The following NCKAP5 variants were observed in gnomAD, a reference collection of about 807,000 sequenced individuals.
NCKAP5 encodes the protein nck-associated protein 5.
Under a neutral mutation model 167.0 loss-of-function variants are expected in NCKAP5, and 92 were observed. The ratio of observed to expected loss-of-function variants is 0.55; its 90% confidence interval spans 0.47 to 0.66. NCKAP5 has a LOEUF of 0.66. NCKAP5 is among the 30% of genes least tolerant of loss of function. The pLI is 0.00. For synonymous variants in NCKAP5, 891 were observed against 877.4 expected, an observed-to-expected ratio of 1.02 and a Z score of -0.27; for missense variants, 2,378 against 2,315.0, an observed-to-expected ratio of 1.03 and a Z score of -0.56.
At chr2:133,469,261 T>A (rs1218695921) in intron 3 of NCKAP5, among the ~76,000 whole-genome samples, 2 of 152,080 alleles carry the variant, frequency 1.3e-5, no homozygotes, top group African/African-American at 2.4e-5. Context: ...ATTTCTCCTT[T>A]GCTTATGAAG....
At chr2:133,498,038 T>C (rs116010462) in intron 3 of NCKAP5, among the ~76,000 whole-genome samples, 9 of 152,306 alleles carry the variant, frequency 5.9e-5, no homozygotes, top group Non-Finnish European at 8.8e-5. Flanking sequence ...ACTCCTCTGA[T>C]CTTGTAGCTT....
In NCKAP5 at chr2:133,537,873, A is replaced by G. The variant is rs368403666; in HGVS notation, c.-61-20286T>C. 4.6e-4 allele frequency among the ~76,000 whole-genome samples: 70 copies of G among 152,312 alleles called. 2 individuals carry two copies. The East Asian group carries it at 0.012, about 26-fold the overall frequency. On this transcript the variant is annotated intron_variant, in intron 2 of 19. Coordinates refer to ENST00000409261, the MANE Select transcript of NCKAP5 (RefSeq NM_207363.3). ...CTTCCATCATCTTTCACCAGCACTC[A>G]TTAAACACTTCCTAAATGTACAAAA...
At chr2:133,501,849 C>G (rs1682546961) in intron 3 of NCKAP5, among the ~76,000 whole-genome samples, 1 of 152,210 alleles carries the variant, frequency 6.6e-6, no homozygotes. Context: ...CATGAATTCT[C>G]TCAAATAATT....
chr2:133,407,912 A>G (rs1426669614), intron 3 of NCKAP5, among the ~76,000 whole-genome samples: 4 of 152,158 alleles, frequency 2.6e-5, no homozygotes. Context: ...AACAGATAGG[A>G]AAGTCTCACG....
At chr2:133,208,818 T>C (rs924066539) in intron 5 of NCKAP5, among the ~76,000 whole-genome samples, 3 of 152,168 alleles carry the variant, frequency 2.0e-5, no homozygotes, top group African/African-American at 7.2e-5. Flanking sequence ...AAGTGTTTAT[T>C]TTTTAAAAGT....
At chr2:132,740,007 T>C (rs1679036413) in intron 16 of NCKAP5, among the ~76,000 whole-genome samples, 1 of 152,172 alleles carries the variant, frequency 6.6e-6, no homozygotes, top group African/African-American at 2.4e-5. Flanking sequence ...TTACAGCACA[T>C]GGATCCTAAA....
chr2:133,254,034 A>T (rs2088490429), intron 4 of NCKAP5, among the ~76,000 whole-genome samples: 1 of 152,206 alleles, frequency 6.6e-6, no homozygotes, highest in South Asian at 2.1e-4. Flanking sequence ...AGCCTGGGAA[A>T]CATGCCTAAA....
At chr2:133,055,377 A>G (rs979557653) in intron 6 of NCKAP5, among the ~76,000 whole-genome samples, 4 of 152,076 alleles carry the variant, frequency 2.6e-5, no homozygotes, top group Non-Finnish European at 5.9e-5. Flanking sequence ...AATCTGAAGC[A>G]GTTCATTTTT....
At chr2:133,599,271 TCCTA>T in the NCKAP5 span, among the ~76,000 whole-genome samples, 1 of 152,258 alleles carries the variant, frequency 6.6e-6, no homozygotes, top group East Asian at 1.9e-4. Context: ...GACAGTGACA[TCCTA>T]GAAGGCACTT....
chr2:133,507,542 C>T (rs560005940), intron 3 of NCKAP5, among the ~76,000 whole-genome samples: 49 of 152,292 alleles, frequency 3.2e-4, no homozygotes, highest in African/African-American at 1.1e-3. Context: ...TCTGGAACTG[C>T]CTGGCATGTA....
rs553397448 is a variant in NCKAP5 at position 133,337,716 on chromosome 2, A to G, written c.70-34606T>C. Among the ~76,000 whole-genome samples, 46 of 152,340 alleles carry G rather than the reference A, an allele frequency of 3.0e-4. No homozygotes were observed. In the South Asian group the frequency reaches 7.2e-3, roughly 24 times the overall value. On this transcript the variant is annotated intron_variant, in intron 3 of 19. Coordinates refer to ENST00000409261, the MANE Select transcript of NCKAP5 (RefSeq NM_207363.3). The stretch of plus-strand genomic sequence containing the variant: ...AGGAGAGGGGTTGCAGAGGAAGCCA[A>G]TCCTGCCTACATGTTGATCTCAACC...
At chr2:133,240,131 C>T (rs1258781547) in intron 4 of NCKAP5, among the ~76,000 whole-genome samples, 2 of 152,210 alleles carry the variant, frequency 1.3e-5, no homozygotes, top group East Asian at 1.9e-4. Context: ...TCCGGAGTTA[C>T]GAACTTAGCC....
At chr2:133,204,381 C>G (rs1003861288) in intron 5 of NCKAP5, among the ~76,000 whole-genome samples, 2 of 152,184 alleles carry the variant, frequency 1.3e-5, no homozygotes, top group Non-Finnish European at 2.9e-5. Context: ...TCCCCCCCAT[C>G]AGAGGTATCC....
chr2:133,324,004 C>T lies in NCKAP5; in HGVS notation c.70-20894G>A, dbSNP rs190001811. Among the ~76,000 whole-genome samples, 110 of 152,326 alleles carry T rather than the reference C, an allele frequency of 7.2e-4. 1 individual carries two copies. The highest frequency in any genetic ancestry group is 2.6e-3 in the African/African-American group (108 of 41,572). On this transcript the variant is annotated intron_variant, in intron 3 of 19. Transcript: ENST00000409261. ...AGTTGTCCTAGCTATGTGAGTTAGACTCTGAGCTCCAGACAGAAATACTCA... is the reference window on the plus strand; with the variant it reads ...AGTTGTCCTAGCTATGTGAGTTAGATTCTGAGCTCCAGACAGAAATACTCA...
At chr2:132,804,256 G>T (rs910133500) in intron 11 of NCKAP5, among the ~76,000 whole-genome samples, 8 of 152,112 alleles carry the variant, frequency 5.3e-5, no homozygotes, top group African/African-American at 1.9e-4. Context: ...CTTCCCTTTT[G>T]TCTTCTTCTG....
intron 6 of NCKAP5, among the ~76,000 whole-genome samples, chr2:133,120,188 A>T (rs919121374): frequency 7.2e-5 from 11 of 152,208 alleles, no homozygotes; most frequent in Non-Finnish European, 1.3e-4. Context: ...AACACAGTTT[A>T]ATGAAAACTA....
intron 11 of NCKAP5, among the ~76,000 whole-genome samples, chr2:132,858,509 G>C (rs1168892096): frequency 6.6e-6 from 1 of 152,124 alleles, no homozygotes; most frequent in East Asian, 1.9e-4. Flanking sequence ...AGTACTATCA[G>C]AAAATGAAAA....
intron 3 of NCKAP5, among the ~76,000 whole-genome samples, chr2:133,323,007 T>C (rs1327627669): frequency 6.6e-6 from 1 of 152,136 alleles, no homozygotes; most frequent in Non-Finnish European, 1.5e-5. Flanking sequence ...GGATTTTGAG[T>C]ATGGAAAGAC....
At chr2:133,464,894 C>T (rs900663111) in intron 3 of NCKAP5, among the ~76,000 whole-genome samples, 3 of 151,588 alleles carry the variant, frequency 2.0e-5, no homozygotes, top group African/African-American at 4.9e-5. Context: ...ATGGGGCTCT[C>T]GGTGAAGCTT....
Sources: gnomAD v4.1 joint callset for allele counts (sites outside exome capture counted in the v4.1 genomes callset) on GRCh38, gnomAD v4.1.1 for gene constraint, MANE v1.5 for transcripts, NCBI Gene and HGNC (gene_info 2026-07-23, HGNC 2026-07-21) for gene names.